Variants in MED13 observed in about 807,000 individuals in gnomAD.
The protein encoded by MED13 is mediator complex subunit 13.
Under a neutral mutation model 225.2 loss-of-function variants are expected in MED13, and 23 were observed. The ratio of observed to expected loss-of-function variants is 0.10; its 90% CI spans 0.07 to 0.14. The LOEUF is 0.14. Among genes scored for constraint, MED13 ranks in the 10% least tolerant of loss-of-function variants. The pLI is 1.00. For missense variants in MED13, 2,197 were observed against 2,594.5 expected (o/e 0.85, Z 3.33); for synonymous variants, 942 against 889.2 (o/e 1.06, Z -1.06).
intron 26 of MED13, 73 bp downstream of exon 26, chr17:61,955,309 C>A (rs904345351): frequency 3.2e-6 from 4 of 1,232,646 alleles, no homozygotes; most frequent in Non-Finnish European, 4.4e-6. Flanking sequence ...AACATTCACA[C>A]GTTTCAGGTA....
At chr17:62,049,094 A>AAAAAAAAAAAAAAAC (rs2080930064) in intron 3 of MED13, among the ~76,000 whole-genome samples, 1 of 151,082 alleles carries the variant, frequency 6.6e-6, no homozygotes, top group East Asian at 1.9e-4. Flanking sequence ...AAAAAAAAAA[A>AAAAAAAAAAAAAAAC]AGGAGAAATG....
intron 6 of MED13, chr17:62,030,714 T>C (rs1419044587): frequency 6.6e-6 from 1 of 152,234 alleles, no homozygotes; most frequent in African/African-American, 2.4e-5. Flanking sequence ...TTCTCCTCCA[T>C]TGTAAAAAGT....
chr17:62,030,573 A>G (rs1331660454), intron 6 of MED13: 1 of 152,280 alleles, frequency 6.6e-6, no homozygotes, highest in Non-Finnish European at 1.5e-5. Flanking sequence ...TCAGTCAATC[A>G]TTGCTGGATT....
chr17:61,954,046 GTCTC>G (rs755091792), intron 26 of MED13, among the ~76,000 whole-genome samples: 8 of 151,860 alleles, frequency 5.3e-5, no homozygotes, highest in East Asian at 1.9e-4. Flanking sequence ...TGTGAATGTG[GTCTC>G]TCTCTCTCTC....
chr17:62,031,337 A>G, intron 6 of MED13, 107 bp downstream of exon 6: 1 of 1,022,504 alleles, frequency 9.8e-7, no homozygotes, highest in East Asian at 2.8e-5. Context: ...CTACACTTGT[A>G]AATTCTCAAG....
At chr17:61,959,292 G>A (rs190860138) in intron 23 of MED13, among the ~76,000 whole-genome samples, 71 of 152,210 alleles carry the variant, frequency 4.7e-4, no homozygotes, top group South Asian at 1.5e-3. Flanking sequence ...GAGATTAGAG[G>A]CATGAGTCAC....
intron 8 of MED13, among the ~76,000 whole-genome samples, chr17:62,015,942 A>T (rs768174528): frequency 2.0e-4 from 2 of 10,050 alleles, no homozygotes; most frequent in South Asian, 4.2e-3. Flanking sequence ...ATATATATAT[A>T]TATATATATA....
In MED13 at chr17:61,972,901, TA is replaced by T. The variant is rs762276732; in HGVS notation, c.3806-14del. 3.2e-6 allele frequency: 5 copies of T among 1,561,030 alleles called. No homozygotes were observed. Among genetic ancestry groups the T allele is most frequent in the Non-Finnish European group, 4.3e-6 (5 of 1,159,382 alleles). On this transcript the variant is annotated splice_polypyrimidine_tract_variant and intron_variant, in intron 16 of 29. Transcript: ENST00000397786. ...TGCATACTCACATCTACAAGCATTT[TA>T]AAAAAAACAAGTAATTAAGAATTGC...
At chr17:62,043,183 A>AAG in intron 3 of MED13, among the ~76,000 whole-genome samples, 1 of 135,070 alleles carries the variant, frequency 7.4e-6, no homozygotes, top group South Asian at 3.2e-4. Context: ...AAAAAAAAAA[A>AAG]AGAAAGAAAG....
intron 8 of MED13, among the ~76,000 whole-genome samples, chr17:62,017,030 T>C (rs1015692693): frequency 2.7e-5 from 4 of 149,724 alleles, no homozygotes; most frequent in African/African-American, 9.8e-5. Flanking sequence ...ATAATAATAA[T>C]AATAAATAAA....
chr17:62,018,496 G>C (rs2080604702), intron 8 of MED13, among the ~76,000 whole-genome samples: 1 of 152,152 alleles, frequency 6.6e-6, no homozygotes, highest in South Asian at 2.1e-4. Context: ...CTTGAGGCCA[G>C]GAGTTCAAGA....
intron 8 of MED13, 34 bp from the exon 9 acceptor site, chr17:62,011,267 G>A (rs1335696580): frequency 6.4e-7 from 1 of 1,568,236 alleles, no homozygotes; most frequent in South Asian, 1.2e-5. Context: ...CATATTTACA[G>A]TATCACTATT....
Position 62,060,645 on chromosome 17 carries a change from A to C in MED13, c.301+2422T>G, listed in dbSNP as rs1452275236. On this transcript the variant is annotated intron_variant, in intron 2 of 29. Transcript: ENST00000397786. ...GCGGGACAGAATGAGACTCCGTCTC[A>C]AAAAAAAAAAAAAAACCAACCTCCC... 4.5e-5 allele frequency among the ~76,000 whole-genome samples: 4 copies of C among 89,848 alleles called. No homozygotes were observed. The East Asian group carries it at 2.4e-3, about 55-fold the overall frequency. 58.9% of individuals were successfully genotyped at this position (89,848 alleles called of 152,430 possible). A position where few individuals can be genotyped will look rare whatever the true frequency, so the allele number is the denominator to read the frequency against.
At chr17:62,046,414 C>T (rs1382900903) in intron 3 of MED13, among the ~76,000 whole-genome samples, 3 of 152,204 alleles carry the variant, frequency 2.0e-5, no homozygotes, top group African/African-American at 7.2e-5. Context: ...TCTGGTAACA[C>T]TTCACTAATA....
rs376547520 is a variant in MED13 at position 61,978,525 on chromosome 17, TG to T, written c.3805+3672del. Among the ~76,000 whole-genome samples, 584 of 152,262 alleles carry T rather than the reference TG, an allele frequency of 3.8e-3. 4 individuals carry two copies. Among genetic ancestry groups the T allele is most frequent in the African/African-American group, 0.013 (546 of 41,560 alleles). On this transcript the variant is annotated intron_variant, in intron 16 of 29. Transcript: ENST00000397786. Reference sequence around the variant, plus strand: ...CCCAGCACTTTGTGGGGGGCCAAGGTGGGCGGATCAACTGCTCTGTATTTCA... The same window carrying T: ...CCCAGCACTTTGTGGGGGGCCAAGGTGGCGGATCAACTGCTCTGTATTTCA...
Position 61,982,958 on chromosome 17 carries a change from T to A in MED13, c.3045A>T (p.Pro1015=). Residue 1015 remains proline (P), a synonymous_variant, in exon 16 of 30, where the codon CCA becomes CCT. Coordinates refer to ENST00000397786, the MANE Select transcript of MED13 (RefSeq NM_005121.3). ...STPRFPTPRT[P]RTPRTPRGAG... ...CTCCACGAGGAGTCCGAGGAGTCCT[T>A]GGAGTCCTTGGAGTTGGAAACCGAG... The A allele has an allele frequency of 6.2e-7, 1 of 1,613,970 alleles. No homozygotes were observed. Among genetic ancestry groups the A allele is most frequent in the East Asian group, 2.2e-5 (1 of 44,876 alleles).
At chr17:61,992,288 G>GT in intron 11 of MED13, among the ~76,000 whole-genome samples, 1 of 152,190 alleles carries the variant, frequency 6.6e-6, no homozygotes, top group Non-Finnish European at 1.5e-5. Context: ...ATAAAACTGA[G>GT]TTTTTAATAG....
At chr17:61,949,370 T>C (rs912008401) in intron 28 of MED13, among the ~76,000 whole-genome samples, 6 of 152,046 alleles carry the variant, frequency 3.9e-5, no homozygotes, top group East Asian at 3.9e-4. Context: ...ATTAGGACTA[T>C]AGGCACATGC....
chr17:62,018,838 C>T (rs775474768), intron 8 of MED13, among the ~76,000 whole-genome samples: 171 of 152,188 alleles, frequency 1.1e-3, no homozygotes, highest in Non-Finnish European at 1.8e-3. Context: ...AATATCGATC[C>T]TACACGGATA....
Sources: allele counts gnomAD v4.1 joint callset (sites outside exome capture counted in the v4.1 genomes callset), GRCh38; gene constraint gnomAD v4.1.1; transcripts MANE v1.5; gene names NCBI Gene and HGNC (gene_info 2026-07-23, HGNC 2026-07-21).